The following SPECC1 variants were observed in gnomAD, a reference collection of about 807,000 sequenced individuals.
The protein encoded by SPECC1 is sperm antigen with calponin homology and coiled-coil domains 1, also known as cytospin-B.
SPECC1 carries 62 observed loss-of-function variants against 104.1 expected under a neutral mutation model. The observed-to-expected ratio is 0.60, with a 90% CI of 0.49 to 0.74. SPECC1 has a LOEUF of 0.74. Ranked by LOEUF, SPECC1 falls within the 30% of genes least tolerant of loss-of-function variation. The pLI, the probability that SPECC1 is intolerant of heterozygous loss-of-function variation, is 0.00. For synonymous variants in SPECC1, 513 were observed against 501.6 expected (o/e 1.02, Z -0.30); for missense variants, 1,306 against 1,310.5 (o/e 1.00, Z 0.05).
intron 12 of SPECC1, among the ~76,000 whole-genome samples, chr17:20,266,476 C>CG (rs1360146533): frequency 1.3e-5 from 2 of 151,960 alleles, no homozygotes; most frequent in Non-Finnish European, 2.9e-5. Context: ...CCCAGCTGCT[C>CG]GGGAGGCTGA....
At chr17:20,193,267 A>G (rs887057033) in intron 3 of SPECC1, among the ~76,000 whole-genome samples, 1 of 152,170 alleles carries the variant, frequency 6.6e-6, no homozygotes. Context: ...TATATCAGCA[A>G]GGTCTTTATG....
intron 3 of SPECC1, among the ~76,000 whole-genome samples, chr17:20,142,485 A>G (rs1298827208): frequency 6.6e-6 from 1 of 152,232 alleles, no homozygotes; most frequent in East Asian, 1.9e-4. Context: ...ATGTCAGGCC[A>G]GCCTTAAAAA....
chr17:20,283,228 G>A (rs1226067764), intron 12 of SPECC1, among the ~76,000 whole-genome samples: 1 of 152,094 alleles, frequency 6.6e-6, no homozygotes, highest in African/African-American at 2.4e-5. Flanking sequence ...AATATGAACA[G>A]GAGCAGAAAT....
intron 1 of SPECC1, among the ~76,000 whole-genome samples, chr17:20,042,911 T>C (rs1293367856): frequency 6.6e-6 from 1 of 152,188 alleles, no homozygotes; most frequent in Admixed American, 6.5e-5. Context: ...ATATTTGTTT[T>C]ATATCTAGTG....
chr17:20,236,540 T>G (rs2038921810), intron 7 of SPECC1, among the ~76,000 whole-genome samples: 1 of 152,136 alleles, frequency 6.6e-6, no homozygotes, highest in Admixed American at 6.5e-5. Flanking sequence ...AGCATGAGCC[T>G]CTGTAAATTC....
chr17:20,297,784 C>T (rs2041403154), intron 13 of SPECC1, among the ~76,000 whole-genome samples: 1 of 152,204 alleles, frequency 6.6e-6, no homozygotes, highest in African/African-American at 2.4e-5. Context: ...TCCCACAGAG[C>T]ATACTTTGGA....
At chr17:20,148,721 G>A (rs2031703263) in intron 3 of SPECC1, among the ~76,000 whole-genome samples, 1 of 151,436 alleles carries the variant, frequency 6.6e-6, no homozygotes, top group Non-Finnish European at 1.5e-5. Context: ...ATTTAGAATT[G>A]TATTCTTTTT....
chr17:20,213,413 A>G (rs1376240449), intron 4 of SPECC1, among the ~76,000 whole-genome samples: 5 of 152,182 alleles, frequency 3.3e-5, no homozygotes, highest in Non-Finnish European at 2.9e-5. Flanking sequence ...ATAATCACTG[A>G]TTTAGACTGC....
chr17:20,297,107 C>A (rs1699706693), intron 13 of SPECC1, 30 bp downstream of exon 13: 3 of 1,593,578 alleles, frequency 1.9e-6, no homozygotes, highest in South Asian at 1.1e-5. Flanking sequence ...CCTTGGTTAT[C>A]CTCTAAGAAA....
chr17:20,030,777 T>G (rs1394777464), intron 1 of SPECC1, among the ~76,000 whole-genome samples: 1 of 152,144 alleles, frequency 6.6e-6, no homozygotes, highest in Non-Finnish European at 1.5e-5. Flanking sequence ...GGCAACAAAT[T>G]CTCTACTTTT....
rs186776018 is a variant in SPECC1, at chr17:20,261,610, A to G, written c.2940+1316A>G. ...CCTCCTGAAGAAGAGTGCTTTGCCT[A>G]ATTCGCATAAAGGTCCTATGTAGTT... On this transcript the variant is annotated intron_variant, in intron 12 of 14. Transcript: ENST00000395527. Among the ~76,000 whole-genome samples, 275 of 152,134 alleles carry G rather than the reference A, an allele frequency of 1.8e-3. 7 individuals carry two copies. Among genetic ancestry groups the G allele is most frequent in the Admixed American group, 0.017 (261 of 15,276 alleles).
chr17:20,285,023 C>T (rs2040893618), intron 12 of SPECC1, among the ~76,000 whole-genome samples: 1 of 152,194 alleles, frequency 6.6e-6, no homozygotes, highest in Non-Finnish European at 1.5e-5. Flanking sequence ...GGGAATGCAG[C>T]CACGGAATCC....
intron 3 of SPECC1, among the ~76,000 whole-genome samples, chr17:20,111,669 G>A (rs1306347430): frequency 6.6e-6 from 1 of 152,140 alleles, no homozygotes; most frequent in Non-Finnish European, 1.5e-5. Context: ...GGGACAAATT[G>A]CGTGTGTGTG....
chr17:20,179,225 G>A (rs188342777), intron 3 of SPECC1, among the ~76,000 whole-genome samples: 1 of 152,364 alleles, frequency 6.6e-6, no homozygotes, highest in Admixed American at 6.5e-5. Flanking sequence ...GGCCCAGGCC[G>A]GATGCTGCTG....
chr17:20,050,567 T>C (rs1261884568), intron 1 of SPECC1, among the ~76,000 whole-genome samples: 1 of 152,236 alleles, frequency 6.6e-6, no homozygotes, highest in Non-Finnish European at 1.5e-5. Context: ...AGATCATTCT[T>C]CTGAGCACAA....
At chr17:20,162,587 G>A (rs966926702) in intron 3 of SPECC1, among the ~76,000 whole-genome samples, 1 of 152,232 alleles carries the variant, frequency 6.6e-6, no homozygotes, top group Admixed American at 6.5e-5. Context: ...GAAAGCACCT[G>A]ATAAGTTTTA....
chr17:20,112,359 T>G, intron 3 of SPECC1: 1 of 757,342 alleles, frequency 1.3e-6, no homozygotes, highest in Non-Finnish European at 2.5e-6. Flanking sequence ...ATTGACTCAT[T>G]GATTGAACAC....
chr17:20,316,862 C>A lies in SPECC1; in HGVS notation c.*2797C>A. Reference sequence around the variant, plus strand: ...ATCTAGAACCAGCTCTGAGCAATGGCGTTGCGGTGTCCCTCCCTCCCCGCT... The same window carrying A: ...ATCTAGAACCAGCTCTGAGCAATGGAGTTGCGGTGTCCCTCCCTCCCCGCT... On this transcript the variant is annotated 3_prime_UTR_variant, in exon 15 of 15. Coordinates refer to ENST00000395527, the MANE Select transcript of SPECC1 (RefSeq NM_001243439.2). 1 of 211,908 alleles carries A rather than the reference C, an allele frequency of 4.7e-6. No individual in the cohort carries two copies. The highest frequency in any genetic ancestry group is 9.6e-6 in the Non-Finnish European group (1 of 104,388). The allele number at this position is 211,908 out of a possible 1,614,324, so 13.1% of individuals were successfully genotyped here.
At chr17:20,277,985 CT>C (rs2151657519) in intron 12 of SPECC1, among the ~76,000 whole-genome samples, 1 of 151,950 alleles carries the variant, frequency 6.6e-6, no homozygotes, top group African/African-American at 2.4e-5. Context: ...GTGATTTTTC[CT>C]TGTGTCTTCC....
Sources: allele counts gnomAD v4.1 joint callset (sites outside exome capture counted in the v4.1 genomes callset), GRCh38; gene constraint gnomAD v4.1.1; transcripts MANE v1.5; gene names NCBI Gene and HGNC (gene_info 2026-07-23, HGNC 2026-07-21).